Variants in CEP63 observed in about 807,000 individuals in gnomAD.
CEP63 encodes centrosomal protein of 63 kDa.
In CEP63, 84 loss-of-function variants were observed where a neutral mutation model predicts 89.1. That is an observed-to-expected ratio of 0.94 (90% CI 0.79 to 1.13). The LOEUF is 1.13. CEP63 is among the 50% of genes most tolerant of loss of function. The pLI, the probability that CEP63 is intolerant of heterozygous loss-of-function variation, is 0.00. For missense variants in CEP63, 838 were observed against 813.3 expected, an observed-to-expected ratio of 1.03 and a Z score of -0.37; for synonymous variants, 267 against 272.5, an observed-to-expected ratio of 0.98 and a Z score of 0.20.
chr3:134,659,792 C>T, the CEP63 span, among the ~76,000 whole-genome samples: 5 of 152,186 alleles, frequency 3.3e-5, no homozygotes, highest in Non-Finnish European at 7.3e-5. Context: ...TTATTACTGT[C>T]GACCCCCAGG....
chr3:134,659,598 C>G, the CEP63 span, among the ~76,000 whole-genome samples: 1 of 152,186 alleles, frequency 6.6e-6, no homozygotes, highest in Non-Finnish European at 1.5e-5. Context: ...TTTCCAGGAG[C>G]AGGCTGAAAT....
At chr3:134,721,621 C>G in the CEP63 span, among the ~76,000 whole-genome samples, 1 of 152,134 alleles carries the variant, frequency 6.6e-6, no homozygotes, top group African/African-American at 2.4e-5. Context: ...AATAAATTTC[C>G]TTAATCGGAT....
chr3:134,557,972 T>C (rs1462469580), intron 12 of CEP63, among the ~76,000 whole-genome samples, 170 bp from the exon 13 acceptor site: 1 of 152,194 alleles, frequency 6.6e-6, no homozygotes, highest in Non-Finnish European at 1.5e-5. Context: ...TACCATTTAC[T>C]TGAAGAATTC....
At chr3:134,527,289 G>C (rs1037649258) in intron 3 of CEP63, among the ~76,000 whole-genome samples, 1 of 152,122 alleles carries the variant, frequency 6.6e-6, no homozygotes, top group African/African-American at 2.4e-5. Context: ...GGGGCAGGGC[G>C]CTGGCAGTTG....
At chr3:134,585,866 C>A (rs1488790502) in intron 10 of CEP63, among the ~76,000 whole-genome samples, 1 of 152,148 alleles carries the variant, frequency 6.6e-6, no homozygotes, top group Non-Finnish European at 1.5e-5. Flanking sequence ...CTTTATGAAT[C>A]TGGGTGCTCC....
At chr3:134,699,051 A>G in the CEP63 span, among the ~76,000 whole-genome samples, 1 of 152,200 alleles carries the variant, frequency 6.6e-6, no homozygotes, top group South Asian at 2.1e-4. Flanking sequence ...GGCTCTAGCC[A>G]GTGGGCTGGG....
chr3:134,604,133 C>G, the CEP63 span: 1 of 1,607,934 alleles, frequency 6.2e-7, no homozygotes, highest in African/African-American at 1.3e-5. Context: ...GAGCAGCGCC[C>G]GTCGCTGGTG....
At chr3:134,571,471 G>A (rs754753698) in intron 11 of CEP63, among the ~76,000 whole-genome samples, 20 of 152,316 alleles carry the variant, frequency 1.3e-4, no homozygotes, top group Admixed American at 3.3e-4. Context: ...CATGAGGTCA[G>A]GAGATCGAGA....
intron 10 of CEP63, among the ~76,000 whole-genome samples, chr3:134,583,585 T>C (rs536250833): frequency 2.0e-5 from 3 of 152,192 alleles, no homozygotes; most frequent in Non-Finnish European, 4.4e-5. Context: ...TACTGTAGCC[T>C]TGTAGTATAG....
downstream of CEP63, among the ~76,000 whole-genome samples, chr3:134,591,363 C>G (rs1187150969): frequency 4.6e-5 from 7 of 152,210 alleles, no homozygotes; most frequent in Admixed American, 6.5e-5. Context: ...TTTTCATTCA[C>G]TGCTCTGTGA....
intron 2 of CEP63, among the ~76,000 whole-genome samples, chr3:134,498,065 C>T (rs537485513): frequency 2.5e-4 from 38 of 152,070 alleles, no homozygotes; most frequent in Non-Finnish European, 3.4e-4. Context: ...TTTTATGGTT[C>T]GGTGTGAATT....
At chr3:134,485,991 G>GGGGCC, upstream of CEP63, 2 of 938,164 alleles carry the variant, frequency 2.1e-6, no homozygotes, top group Non-Finnish European at 2.5e-6. Context: ...CTCCTGCCAC[G>GGGGCC]CCCCCCCCCC....
the CEP63 span, among the ~76,000 whole-genome samples, chr3:134,733,153 C>T: frequency 1.3e-5 from 2 of 152,148 alleles, no homozygotes; most frequent in Non-Finnish European, 2.9e-5. Flanking sequence ...TGGTTTTGGA[C>T]AAGACACCAT....
chr3:134,662,336 AAC>A, the CEP63 span, among the ~76,000 whole-genome samples: 3 of 152,172 alleles, frequency 2.0e-5, no homozygotes, highest in Non-Finnish European at 4.4e-5. Context: ...GCTCTCAACA[AAC>A]ACAGAATTTG....
At position 134,527,821 on chromosome 3, in the gene CEP63, G is replaced by T. The variant is rs1948969639; in HGVS notation, c.223-4024G>T. On this transcript the variant is annotated intron_variant, in intron 3 of 14. Transcript: ENST00000675561. ...CCTGGGAGAGGCCAGCAGGCCAAGG[G>T]GTGGTCAGATGAGACCGGCCCCATA... Among the ~76,000 whole-genome samples the T allele has an allele frequency of 2.0e-5, 3 of 152,192 alleles. No individual in the cohort carries two copies. In the South Asian group the frequency reaches 6.2e-4, roughly 31 times the overall value.
intron 1 of CEP63, among the ~76,000 whole-genome samples, chr3:134,490,074 T>C (rs566223461): frequency 1.1e-4 from 17 of 152,238 alleles, no homozygotes; most frequent in African/African-American, 3.6e-4. Context: ...GAGTCTGAGA[T>C]AGTATTTGGA....
At chr3:134,608,754 G>T in the CEP63 span, 2 of 1,614,028 alleles carry the variant, frequency 1.2e-6, no homozygotes, top group Non-Finnish European at 1.7e-6. Context: ...GATTGAGGAG[G>T]TTTTAGCAGC....
intron 3 of CEP63, among the ~76,000 whole-genome samples, chr3:134,523,256 T>G (rs1947886283): frequency 6.6e-6 from 1 of 152,204 alleles, no homozygotes; most frequent in Non-Finnish European, 1.5e-5. Flanking sequence ...GTGGTTTGTT[T>G]TTTTCTTGTA....
Position 134,564,993 on chromosome 3 carries a change from A to T in CEP63, c.*3458A>T, listed in dbSNP as rs1185111655. On this transcript the variant is annotated 3_prime_UTR_variant, in exon 15 of 15. Transcript: ENST00000675561. Reference sequence around the variant, plus strand: ...TAATGTCTCACCATTTTTCAAAAAGATATATTAATACCAAATATTAAAATG... The same window carrying T: ...TAATGTCTCACCATTTTTCAAAAAGTTATATTAATACCAAATATTAAAATG... 1 of 970,210 alleles carries T rather than the reference A, an allele frequency of 1.0e-6. No homozygotes were observed. The highest frequency in any genetic ancestry group is 1.1e-4 in the East Asian group (1 of 8,762). 60.1% of individuals were successfully genotyped at this position (970,210 alleles called of 1,614,324 possible). A position where few individuals can be genotyped will look rare whatever the true frequency, so the allele number is the denominator to read the frequency against.
Sources: gnomAD v4.1 joint callset for allele counts (sites outside exome capture counted in the v4.1 genomes callset) on GRCh38, gnomAD v4.1.1 for gene constraint, MANE v1.5 for transcripts, NCBI Gene and HGNC (gene_info 2026-07-23, HGNC 2026-07-21) for gene names.